CPQ: variants seen among roughly 807,000 people sequenced by gnomAD.
CPQ encodes the protein Ser-Met dipeptidase.
A neutral mutation model predicts 45.7 loss-of-function variants in CPQ; 37 were observed. That is an observed-to-expected ratio of 0.81 (90% CI 0.62 to 1.07). CPQ has a LOEUF of 1.07. Among genes scored for constraint, CPQ ranks in the 50% least tolerant of loss-of-function variants. CPQ has a pLI of 0.00. For synonymous variants in CPQ, 186 were observed against 205.8 expected (o/e 0.90, Z 0.82); for missense variants, 537 against 572.9 (o/e 0.94, Z 0.64).
chr8:96,844,308 G>A (rs1172720220), intron 3 of CPQ, among the ~76,000 whole-genome samples: 1 of 152,128 alleles, frequency 6.6e-6, no homozygotes, highest in African/African-American at 2.4e-5. Context: ...TCTGTCATCA[G>A]TTCAAGATGA....
At chr8:97,107,991 G>A (rs1406132465) in intron 7 of CPQ, among the ~76,000 whole-genome samples, 1 of 152,184 alleles carries the variant, frequency 6.6e-6, no homozygotes. Flanking sequence ...AGAGCATGTG[G>A]ATGCTGATGC....
chr8:96,896,535 GTTGA>G (rs1812445416), intron 4 of CPQ, among the ~76,000 whole-genome samples: 1 of 151,746 alleles, frequency 6.6e-6, no homozygotes, highest in Admixed American at 6.6e-5. Context: ...TCATTTATTT[GTTGA>G]TTGTTTCAAT....
At chr8:96,928,761 A>T (rs1490354542) in intron 4 of CPQ, among the ~76,000 whole-genome samples, 1 of 152,148 alleles carries the variant, frequency 6.6e-6, no homozygotes, top group Non-Finnish European at 1.5e-5. Context: ...CACAGACTGA[A>T]AGTTGCTTGC....
intron 7 of CPQ, among the ~76,000 whole-genome samples, chr8:97,105,265 C>T (rs1052355329): frequency 3.3e-5 from 5 of 152,138 alleles, no homozygotes; most frequent in Non-Finnish European, 7.3e-5. Context: ...CTACCTTCTG[C>T]CTCTGAATTT....
intron 5 of CPQ, among the ~76,000 whole-genome samples, chr8:97,024,250 G>A (rs967025246): frequency 2.6e-5 from 4 of 151,962 alleles, no homozygotes; most frequent in Non-Finnish European, 4.4e-5. Context: ...TCTCATCCCC[G>A]GCCTCCAGTT....
chr8:96,647,889 G>A lies in CPQ; in HGVS notation c.-35+2487G>A, dbSNP rs535964843. On this transcript the variant is annotated intron_variant, in intron 1 of 7. Coordinates refer to ENST00000220763, the MANE Select transcript of CPQ (RefSeq NM_016134.4). ...CATCGACAGCTGCCATCAGTGAATG[G>A]CACTTAAGGGCTTTGAACCATGAGT... Among the ~76,000 whole-genome samples, 5 of 152,280 alleles carry A rather than the reference G, an allele frequency of 3.3e-5. No individual in the cohort carries two copies. The East Asian group carries it at 7.7e-4, about 24-fold the overall frequency.
chr8:96,891,327 C>T (rs932398681), intron 4 of CPQ, among the ~76,000 whole-genome samples: 1 of 152,192 alleles, frequency 6.6e-6, no homozygotes, highest in South Asian at 2.1e-4. Flanking sequence ...CCAATATAAT[C>T]GACCTGCCAC....
chr8:97,048,348 T>C (rs913805484), intron 6 of CPQ, among the ~76,000 whole-genome samples: 19 of 152,322 alleles, frequency 1.2e-4, no homozygotes, highest in African/African-American at 4.6e-4. Flanking sequence ...TAGTAGTTCT[T>C]GCATGAAAGC....
At chr8:96,735,210 A>T (rs145875501) in intron 1 of CPQ, among the ~76,000 whole-genome samples, 7 of 152,248 alleles carry the variant, frequency 4.6e-5, no homozygotes, top group Non-Finnish European at 8.8e-5. Context: ...GCTTCATACA[A>T]ATAGAGAACC....
intron 5 of CPQ, among the ~76,000 whole-genome samples, chr8:96,973,684 C>T (rs188038267): frequency 5.3e-4 from 81 of 152,272 alleles, no homozygotes; most frequent in African/African-American, 1.7e-3. Flanking sequence ...CAGCAGAAAC[C>T]CTACCAGCTA....
Position 97,029,456 on chromosome 8 carries a change from G to C in CPQ, c.1015G>C (p.Gly339Arg). The C allele has an allele frequency of 1.2e-6, 2 of 1,609,694 alleles. No homozygotes were observed. Among genetic ancestry groups the C allele is most frequent in the Non-Finnish European group, 1.7e-6 (2 of 1,177,912 alleles). ...RLVLWTAEEQ[G>R]GVGAFQYYQL... The stretch of plus-strand genomic sequence containing the variant: ...GGTGCTCTGGACTGCAGAAGAACAA[G>C]GTGGAGTTGGTGCCTTCCAGTATTA... Residue 339 changes from glycine (G) to arginine (R), a missense_variant, in exon 6 of 8, where the codon GGT becomes CGT. Coordinates refer to ENST00000220763, the MANE Select transcript of CPQ (RefSeq NM_016134.4).
chr8:97,035,627 C>T (rs1159148988), intron 6 of CPQ, among the ~76,000 whole-genome samples: 1 of 152,184 alleles, frequency 6.6e-6, no homozygotes, highest in East Asian at 1.9e-4. Flanking sequence ...CCTGACTCCT[C>T]TCCTAATGGC....
At chr8:96,699,453 T>A (rs1809427850) in intron 1 of CPQ, among the ~76,000 whole-genome samples, 2 of 152,148 alleles carry the variant, frequency 1.3e-5, no homozygotes, top group African/African-American at 4.8e-5. Context: ...TCAATAATAA[T>A]TTAATTATAC....
intron 5 of CPQ, among the ~76,000 whole-genome samples, chr8:96,970,054 C>A (rs1164166773): frequency 1.3e-5 from 2 of 152,168 alleles, no homozygotes; most frequent in Non-Finnish European, 2.9e-5. Flanking sequence ...ATTTCCAATG[C>A]AGTGGGTTCT....
At chr8:96,736,742 C>G (rs1034999084) in intron 1 of CPQ, among the ~76,000 whole-genome samples, 2 of 152,106 alleles carry the variant, frequency 1.3e-5, no homozygotes, top group Non-Finnish European at 2.9e-5. Flanking sequence ...GTGGCTACTA[C>G]TTGGTTATTA....
chr8:96,865,091 A>C lies in CPQ; in HGVS notation c.642-14707A>C, dbSNP rs114323676. 7.7e-3 allele frequency among the ~76,000 whole-genome samples: 1,178 copies of C among 152,196 alleles called. 7 individuals carry two copies. Among genetic ancestry groups the C allele is most frequent in the African/African-American group, 0.024 (995 of 41,532 alleles). On this transcript the variant is annotated intron_variant, in intron 3 of 7. Transcript: ENST00000220763. ...GTTATTACTGACATTTATAACAATAATAATAATAATAAAATAATAAAGATT... is the reference window on the plus strand; with the variant it reads ...GTTATTACTGACATTTATAACAATACTAATAATAATAAAATAATAAAGATT...
At chr8:97,079,858 G>A (rs1043769231) in intron 7 of CPQ, among the ~76,000 whole-genome samples, 3 of 152,114 alleles carry the variant, frequency 2.0e-5, no homozygotes, top group African/African-American at 4.8e-5. Flanking sequence ...ATAACCAGTC[G>A]GGTTGGACCA....
At chr8:96,786,614 G>A (rs1192221959) in intron 2 of CPQ, among the ~76,000 whole-genome samples, 1 of 152,108 alleles carries the variant, frequency 6.6e-6, no homozygotes, top group Non-Finnish European at 1.5e-5. Context: ...ACTGTTTTCT[G>A]AAGTGGCTGC....
At chr8:97,042,955 A>G (rs2130492822) in intron 6 of CPQ, among the ~76,000 whole-genome samples, 1 of 152,116 alleles carries the variant, frequency 6.6e-6, no homozygotes, top group South Asian at 2.1e-4. Flanking sequence ...AAAAAAATGT[A>G]TATTCTGTTG....
Sources: gnomAD v4.1 joint callset for allele counts (sites outside exome capture counted in the v4.1 genomes callset) on GRCh38, gnomAD v4.1.1 for gene constraint, MANE v1.5 for transcripts, NCBI Gene and HGNC (gene_info 2026-07-23, HGNC 2026-07-21) for gene names.